The following JAK1 variants were observed in gnomAD, a reference collection of about 807,000 sequenced individuals.
The protein encoded by JAK1 is tyrosine-protein kinase JAK1.
Under a neutral mutation model 136.6 loss-of-function variants are expected in JAK1, and 16 were observed. The observed-to-expected ratio is 0.12, with a 90% CI of 0.08 to 0.18. The LOEUF (loss-of-function observed/expected upper bound fraction) is 0.18, where lower values mean the gene tolerates loss of function less well. Among genes scored for constraint, JAK1 ranks in the 10% least tolerant of loss-of-function variants. JAK1 has a pLI of 1.00. For missense variants in JAK1, 859 were observed against 1,450.1 expected, an observed-to-expected ratio of 0.59 and a Z score of 6.62; for synonymous variants, 492 against 519.5, an observed-to-expected ratio of 0.95 and a Z score of 0.72.
intron 1 of JAK1, among the ~76,000 whole-genome samples, chr1:64,914,216 C>G (rs1645352183): frequency 6.6e-6 from 1 of 152,154 alleles, no homozygotes; most frequent in Admixed American, 6.5e-5. Flanking sequence ...CTATGAATCC[C>G]CTACCTCAGA....
At chr1:65,006,652 T>C (rs560128374) in intron 2 of JAK1, among the ~76,000 whole-genome samples, 1 of 152,320 alleles carries the variant, frequency 6.6e-6, no homozygotes, top group African/African-American at 2.4e-5. Context: ...CCAGTTTCCA[T>C]TCTTAAAGGG....
chr1:65,030,888 T>C (rs1647016968), intron 2 of JAK1, among the ~76,000 whole-genome samples: 1 of 151,820 alleles, frequency 6.6e-6, no homozygotes, highest in Non-Finnish European at 1.5e-5. Flanking sequence ...GTGCAGTGGC[T>C]CATGCATGTG....
chr1:65,024,901 C>T (rs766111175), intron 2 of JAK1, among the ~76,000 whole-genome samples: 4 of 152,000 alleles, frequency 2.6e-5, no homozygotes, highest in South Asian at 2.1e-4. Context: ...CATTTGAACC[C>T]GGGAGGTAGA....
chr1:64,878,258 C>A (rs1354565538), intron 4 of JAK1, among the ~76,000 whole-genome samples: 3 of 152,218 alleles, frequency 2.0e-5, no homozygotes, highest in African/African-American at 7.2e-5. Flanking sequence ...ATTTTCCATT[C>A]TAGTTACTGA....
At chr1:64,843,764 G>C (rs1279680327) in intron 17 of JAK1, among the ~76,000 whole-genome samples, 2 of 152,132 alleles carry the variant, frequency 1.3e-5, no homozygotes, top group Non-Finnish European at 2.9e-5. Flanking sequence ...TAAAATCTCA[G>C]ATAAATAATA....
chr1:64,867,939 A>G (rs935003255), intron 6 of JAK1, among the ~76,000 whole-genome samples: 8 of 152,124 alleles, frequency 5.3e-5, no homozygotes, highest in African/African-American at 1.9e-4. Context: ...GCGGTGAGCC[A>G]AGATCATGCC....
In JAK1 at chr1:64,854,907, C is replaced by T. The variant is rs371167758; in HGVS notation, c.1648+602G>A. ...CTGACCGCACTGGCAACCTCCCACT[C>T]ATCCTCCCACACTCAGTTCAAGAGC... On this transcript the variant is annotated intron_variant, in intron 11 of 24. Coordinates refer to ENST00000342505, the MANE Select transcript of JAK1 (RefSeq NM_002227.4). Among the ~76,000 whole-genome samples, 18 of 152,298 alleles carry T rather than the reference C, an allele frequency of 1.2e-4. No individual in the cohort carries two copies. The East Asian group carries it at 1.7e-3, about 15-fold the overall frequency.
intron 2 of JAK1, among the ~76,000 whole-genome samples, chr1:65,004,866 A>G (rs1646791250): frequency 6.6e-6 from 1 of 152,206 alleles, no homozygotes; most frequent in African/African-American, 2.4e-5. Context: ...AATGGAGACA[A>G]TTCTCATATT....
chr1:64,940,713 T>C (rs1645874623), intron 1 of JAK1, among the ~76,000 whole-genome samples: 1 of 152,206 alleles, frequency 6.6e-6, no homozygotes, highest in South Asian at 2.1e-4. Flanking sequence ...AACCCAGGTC[T>C]TTCTACTCCA....
chr1:64,844,059 CT>C lies in JAK1; in HGVS notation c.2403+4del. ...TGCCTCACGCCCCGGGAAACACCTG[CT>C]CACCTCAATCAGCGTCTTGTCTTTC... On this transcript the variant is annotated splice_donor_region_variant and intron_variant, in intron 17 of 24. Transcript: ENST00000342505. This position sits in a 1 kb window ranked among gnomAD's most constrained non-coding sequence, Gnocchi z 5.7. 1 of 1,613,904 alleles carries C rather than the reference CT, an allele frequency of 6.2e-7. No homozygotes were observed. Among genetic ancestry groups the C allele is most frequent in the Middle Eastern group, 1.7e-4 (1 of 5,872 alleles).
intron 2 of JAK1, among the ~76,000 whole-genome samples, chr1:65,018,187 A>G (rs948726627): frequency 3.3e-5 from 5 of 152,150 alleles, no homozygotes; most frequent in Non-Finnish European, 7.4e-5. Context: ...TAATAGCTAA[A>G]AAGTGTTTAC....
At chr1:65,032,908 C>G (rs1273517375) in intron 2 of JAK1, among the ~76,000 whole-genome samples, 1 of 152,128 alleles carries the variant, frequency 6.6e-6, no homozygotes, top group Non-Finnish European at 1.5e-5. Flanking sequence ...AAACAAAAAA[C>G]CTTTATTGTT....
intron 2 of JAK1, among the ~76,000 whole-genome samples, chr1:65,026,684 G>GC (rs1646980046): frequency 1.3e-5 from 2 of 152,184 alleles, no homozygotes; most frequent in African/African-American, 4.8e-5. Context: ...AGAAGGTTTG[G>GC]CCAGGTGCAG....
At chr1:64,935,523 A>C (rs1030289271) in intron 1 of JAK1, among the ~76,000 whole-genome samples, 1 of 151,352 alleles carries the variant, frequency 6.6e-6, no homozygotes, top group Non-Finnish European at 1.5e-5. Flanking sequence ...CTGGTCTCGA[A>C]CTCTCCTGAC....
At chr1:64,975,480 T>C (rs76753384) in intron 2 of JAK1, among the ~76,000 whole-genome samples, 8,019 of 152,228 alleles carry the variant, frequency 0.053, 292 homozygotes, top group South Asian at 0.11. Flanking sequence ...GGGAGCAGCC[T>C]CTCCACAAAT....
At chr1:65,003,013 CTT>C (rs11410336) in intron 2 of JAK1, among the ~76,000 whole-genome samples, 8,453 of 119,816 alleles carry the variant, frequency 0.071, 880 homozygotes, top group African/African-American at 0.23. Flanking sequence ...GACAACCTAG[CTT>C]TTTTTTTTTT....
At chr1:65,052,612 G>C (rs1647330119) in intron 1 of JAK1, among the ~76,000 whole-genome samples, 2 of 151,968 alleles carry the variant, frequency 1.3e-5, no homozygotes, top group Admixed American at 1.3e-4. Context: ...AGGAGATCGA[G>C]ACCATCCTGG....
intron 20 of JAK1, 49 bp downstream of exon 20, chr1:64,839,554 T>C (rs1654757449): frequency 6.4e-7 from 1 of 1,569,550 alleles, no homozygotes; most frequent in East Asian, 2.2e-5. Context: ...TTTATGACCC[T>C]AGACAGTCAC....
At chr1:65,021,026 C>T (rs1646933101) in intron 2 of JAK1, among the ~76,000 whole-genome samples, 1 of 152,092 alleles carries the variant, frequency 6.6e-6, no homozygotes, top group Admixed American at 6.6e-5. Flanking sequence ...GGGATAAATA[C>T]CCTGATTTTG....
Sources: allele counts gnomAD v4.1 joint callset (sites outside exome capture counted in the v4.1 genomes callset), GRCh38; gene constraint gnomAD v4.1.1; non-coding constraint Gnocchi (gnomAD v3.1); transcripts MANE v1.5; gene names NCBI Gene and HGNC (gene_info 2026-07-23, HGNC 2026-07-21).